Variants in ADGRE3 observed in about 807,000 individuals in gnomAD.
ADGRE3 encodes EGF-like module receptor 3.
ADGRE3 carries 88 observed loss-of-function variants against 80.1 expected under a neutral mutation model. That is an observed-to-expected ratio of 1.10 (90% CI 0.93 to 1.31). The LOEUF (loss-of-function observed/expected upper bound fraction) is 1.31, where lower values mean the gene tolerates loss of function less well. Among genes scored for constraint, ADGRE3 ranks in the 40% most tolerant of loss-of-function variants. The probability of loss-of-function intolerance (pLI) is 0.00; values close to 1 mark genes in which losing one functional copy is unlikely to be tolerated. For missense variants in ADGRE3, 715 were observed against 776.5 expected, an observed-to-expected ratio of 0.92 and a Z score of 0.94; for synonymous variants, 281 against 294.8, an observed-to-expected ratio of 0.95 and a Z score of 0.48.
chr19:14,659,255 C>T (rs1270397747), intron 4 of ADGRE3, among the ~76,000 whole-genome samples: 1 of 151,812 alleles, frequency 6.6e-6, no homozygotes, highest in African/African-American at 2.4e-5. Context: ...GTTGGCCAGG[C>T]TGATCTCAAA....
chr19:14,663,305 C>T lies in ADGRE3; in HGVS notation c.199+113G>A, dbSNP rs866972547. ...GGCTTGAGCAACTGTGTCCAGCTTG[C>T]GGTGAGCTTTGATCATGCCACAGCA... On this transcript the variant is annotated intron_variant, in intron 3 of 15. Coordinates refer to ENST00000253673, the MANE Select transcript of ADGRE3 (RefSeq NM_032571.5). The T allele has an allele frequency of 1.4e-4, 76 of 535,794 alleles. No individual in the cohort carries two copies. In the Middle Eastern group the frequency reaches 8.1e-3, roughly 57 times the overall value. 33.2% of individuals were successfully genotyped at this position (535,794 alleles called of 1,614,324 possible).
At chr19:14,647,986 G>T (rs139729243) in intron 7 of ADGRE3, among the ~76,000 whole-genome samples, 1 of 150,744 alleles carries the variant, frequency 6.6e-6, no homozygotes, top group Non-Finnish European at 1.5e-5. Context: ...GGAGGCTGAG[G>T]CTGGAGAATC....
At chr19:14,659,822 G>GAAAAAA (rs66908687) in intron 4 of ADGRE3, among the ~76,000 whole-genome samples, 933 of 44,816 alleles carry the variant, frequency 0.021, 148 homozygotes, top group East Asian at 0.043. Flanking sequence ...CTCTGCCTCT[G>GAAAAAA]AAAAAAAAAA....
intron 7 of ADGRE3, among the ~76,000 whole-genome samples, chr19:14,649,601 G>A (rs1332273682): frequency 5.4e-4 from 38 of 70,822 alleles, no homozygotes; most frequent in South Asian, 2.0e-3. Flanking sequence ...TCTCTCTTTC[G>A]ATCTCTGTCT....
At chr19:14,609,262 ACT>A in the ADGRE3 span, among the ~76,000 whole-genome samples, 1 of 152,098 alleles carries the variant, frequency 6.6e-6, no homozygotes, top group Non-Finnish European at 1.5e-5. Context: ...AGTTGGGATG[ACT>A]CTGGTGCTGT....
At chr19:14,642,725 T>C (rs796282472) in intron 9 of ADGRE3, among the ~76,000 whole-genome samples, 2 of 152,214 alleles carry the variant, frequency 1.3e-5, no homozygotes, top group African/African-American at 2.4e-5. Flanking sequence ...TCCAGCTCCA[T>C]CCATGTCCCT....
the ADGRE3 span, among the ~76,000 whole-genome samples, chr19:14,611,582 C>A: frequency 9.0e-4 from 137 of 152,090 alleles, 2 homozygotes; most frequent in Non-Finnish European, 7.4e-5. Context: ...AGCTGAAAAG[C>A]AAGACCCCTA....
At chr19:14,665,268 T>C (rs1972060579) in intron 2 of ADGRE3, among the ~76,000 whole-genome samples, 1 of 151,644 alleles carries the variant, frequency 6.6e-6, no homozygotes, top group Non-Finnish European at 1.5e-5. Context: ...TTTCACGGTG[T>C]TAGCCAGGTT....
At position 14,627,377 on chromosome 19, in the gene ADGRE3, GT is replaced by G. The variant is rs1970763213; in HGVS notation, c.1813-1779del. Among the ~76,000 whole-genome samples, 3 of 152,152 alleles carry G rather than the reference GT, an allele frequency of 2.0e-5. No homozygotes were observed. The South Asian group carries it at 6.2e-4, about 32-fold the overall frequency. On this transcript the variant is annotated intron_variant, in intron 14 of 15. Coordinates refer to ENST00000253673, the MANE Select transcript of ADGRE3 (RefSeq NM_032571.5). The stretch of plus-strand genomic sequence containing the variant: ...AAACAAAATGAAACCCTCTGGGGTA[GT>G]TTCTTTTGTTTTTTTTTGAGACGGA...
the ADGRE3 span, among the ~76,000 whole-genome samples, chr19:14,608,091 T>C: frequency 2.6e-5 from 4 of 151,904 alleles, no homozygotes; most frequent in Non-Finnish European, 4.4e-5. Flanking sequence ...AGGCTGGTTT[T>C]GAACTTCTGA....
chr19:14,612,523 C>T, the ADGRE3 span, among the ~76,000 whole-genome samples: 9 of 151,976 alleles, frequency 5.9e-5, no homozygotes, highest in African/African-American at 1.5e-4. Flanking sequence ...TTTGTAGCAA[C>T]GGGGTTTCAC....
chr19:14,629,066 C>T lies in ADGRE3; in HGVS notation c.1812+973G>A, dbSNP rs368767055. On this transcript the variant is annotated intron_variant, in intron 14 of 15. Coordinates refer to ENST00000253673, the MANE Select transcript of ADGRE3 (RefSeq NM_032571.5). ...CCTCCCGAGCAGCTGGGATTACAGG[C>T]GCCTCCATCATACCCGGGTAATTGT... Among the ~76,000 whole-genome samples, 57 of 152,034 alleles carry T rather than the reference C, an allele frequency of 3.7e-4. No individual in the cohort carries two copies. The East Asian group carries it at 8.1e-3, about 22-fold the overall frequency.
chr19:14,665,326 G>A (rs1023509164), intron 2 of ADGRE3, among the ~76,000 whole-genome samples: 2 of 151,988 alleles, frequency 1.3e-5, no homozygotes, highest in Admixed American at 1.3e-4. Flanking sequence ...GCCTCTCAAA[G>A]TGCTGGGATT....
rs1341215819 is a variant in ADGRE3 at position 14,662,052 on chromosome 19, T to G, written c.266A>C (p.Glu89Ala). The G allele has an allele frequency of 6.2e-7, 1 of 1,614,180 alleles. No homozygotes were observed. The highest frequency in any genetic ancestry group is 1.1e-5 in the South Asian group (1 of 91,084). Residue 89 changes from glutamate to alanine, a missense_variant, in exon 4 of 16, where the codon GAA becomes GCA. Glu to Ala is a moderately radical substitution (Grantham distance 107, BLOSUM62 -1). Transcript: ENST00000253673. The part of the protein sequence containing the change: ...CGFNAVCYNV[E>A]GSFYCQCVPG... The stretch of plus-strand genomic sequence containing the variant: ...GACACATTGACAGTAGAAACTTCCT[T>G]CGACATTGTAACACACAGCGTTAAA...
At chr19:14,620,548 T>TATATAATATATATATATATATATATATA in intron 15 of ADGRE3, among the ~76,000 whole-genome samples, 1 of 24,982 alleles carries the variant, frequency 4.0e-5, no homozygotes, top group Admixed American at 7.8e-4. Context: ...TATATATATA[T>TATATAATATATATATATATATATATATA]TATATATATA....
rs781052118 is a variant in ADGRE3, at chr19:14,655,025, T to G, written c.534A>C (p.Lys178Asn). The change falls in exon 6 of 16, where the codon AAA becomes AAC. Residue 178 changes from lysine to asparagine, a missense_variant. Transcript: ENST00000253673. ...VESKVLETAL[K>N]DPEQKVLKIQ... ...TTTTCAGGACTTTTTGTTCTGGATCTTTCAAGGCAGTTTCTAGAACTTTCG... is the reference window on the plus strand; with the variant it reads ...TTTTCAGGACTTTTTGTTCTGGATCGTTCAAGGCAGTTTCTAGAACTTTCG... 14 of 1,613,994 alleles carry G rather than the reference T, an allele frequency of 8.7e-6. No homozygotes were observed. Among genetic ancestry groups the G allele is most frequent in the Non-Finnish European group, 1.2e-5 (14 of 1,180,000 alleles).
the ADGRE3 span, among the ~76,000 whole-genome samples, chr19:14,602,545 C>T: frequency 6.6e-6 from 1 of 151,106 alleles, no homozygotes; most frequent in Non-Finnish European, 1.5e-5. Context: ...CTGCCGCCTT[C>T]ACCTCCCAAA....
At chr19:14,637,228 C>A (rs1169053383) in intron 11 of ADGRE3, among the ~76,000 whole-genome samples, 3 of 152,174 alleles carry the variant, frequency 2.0e-5, no homozygotes, top group African/African-American at 7.2e-5. Context: ...CCAAAGAAGG[C>A]AGTTTCCGTC....
chr19:14,618,026 T>C (rs1010750944), downstream of ADGRE3, among the ~76,000 whole-genome samples: 1 of 152,144 alleles, frequency 6.6e-6, no homozygotes, highest in Non-Finnish European at 1.5e-5. Flanking sequence ...TTAATTTTTT[T>C]ATTTTTTGCA....
Sources: gnomAD v4.1 joint callset for allele counts (sites outside exome capture counted in the v4.1 genomes callset) on GRCh38, gnomAD v4.1.1 for gene constraint, MANE v1.5 for transcripts, NCBI Gene and HGNC (gene_info 2026-07-23, HGNC 2026-07-21) for gene names.